The following CRYBG3 variants were observed in gnomAD, a reference collection of about 807,000 sequenced individuals.
CRYBG3 encodes very large A-kinase anchor protein.
CRYBG3 carries 127 observed loss-of-function variants against 244.2 expected under a neutral mutation model. That is an observed-to-expected ratio of 0.52 (90% CI 0.45 to 0.60). The LOEUF (loss-of-function observed/expected upper bound fraction) is 0.60. Among genes scored for constraint, CRYBG3 ranks in the 20% least tolerant of loss-of-function variants. The pLI is 0.00. For synonymous variants in CRYBG3, 1,132 were observed against 1,195.8 expected, an observed-to-expected ratio of 0.95 and a Z score of 1.10; for missense variants, 3,325 against 3,442.5, an observed-to-expected ratio of 0.97 and a Z score of 0.85.
chr3:97,879,827 C>G (rs2039424365), intron 5 of CRYBG3, 79 bp downstream of exon 5: 1 of 1,052,800 alleles, frequency 9.5e-7, no homozygotes. Context: ...ATATAAGTGA[C>G]TTAGATAATG....
At chr3:97,891,793 A>C (rs2039579149) in intron 10 of CRYBG3, among the ~76,000 whole-genome samples, 1 of 152,176 alleles carries the variant, frequency 6.6e-6, no homozygotes, top group Non-Finnish European at 1.5e-5. Flanking sequence ...TTGTTTGAGG[A>C]GAGAAATGAA....
intron 17 of CRYBG3, among the ~76,000 whole-genome samples, chr3:97,928,754 C>T (rs1221680761): frequency 6.6e-6 from 1 of 151,874 alleles, no homozygotes; most frequent in Non-Finnish European, 1.5e-5. Context: ...TTATGCACAG[C>T]TACACAAATT....
rs1209927674 is a variant in CRYBG3 at position 97,872,784 on chromosome 3, A to G, written c.1590A>G (p.Glu530=). 16 of 1,535,846 alleles carry G rather than the reference A, an allele frequency of 1.0e-5. No homozygotes were observed. In the East Asian group the frequency reaches 3.9e-4, roughly 38 times the overall value. The change falls in exon 4 of 22, where the codon GAA becomes GAG. Residue 530 remains glutamate (E), a synonymous_variant. Transcript: ENST00000389622. ...TGGCTGTTAGAGAAATCAGGCGAGA[A>G]ACAGAAAGTGCCTCAGCTGGTGAAT... is the stretch of plus-strand genomic sequence containing the variant. ...KNVAVREIRR[E]TESASAGESI...
rs780056239 is a variant in CRYBG3, at chr3:97,877,750, G to A, written c.6556G>A (p.Asp2186Asn). 99 of 1,613,948 alleles carry A rather than the reference G, an allele frequency of 6.1e-5. No individual in the cohort carries two copies. Among genetic ancestry groups the A allele is most frequent in the Non-Finnish European group, 8.1e-5 (96 of 1,180,018 alleles). The change falls in exon 4 of 22, where the codon GAC (aspartate) becomes AAC (asparagine). Residue 2186 changes from aspartate to asparagine, a missense_variant. Asp to Asn is a conservative substitution (Grantham distance 23). Transcript: ENST00000389622. ...PDPSITFYPDDQESVGISKNS... is the reference protein window; with the variant it reads ...PDPSITFYPDNQESVGISKNS... Reference sequence around the variant, plus strand: ...TCCTTCCATCACATTTTACCCTGATGACCAGGAGAGCGTTGGAATTTCTAA... The same window carrying A: ...TCCTTCCATCACATTTTACCCTGATAACCAGGAGAGCGTTGGAATTTCTAA...
intron 11 of CRYBG3, among the ~76,000 whole-genome samples, 194 bp downstream of exon 11, chr3:97,893,187 A>G (rs1352286307): frequency 6.6e-6 from 1 of 152,212 alleles, no homozygotes; most frequent in African/African-American, 2.4e-5. Context: ...TTTGAGATAT[A>G]TTAAATGTAG....
At chr3:97,907,284 T>C (rs889463829) in intron 15 of CRYBG3, among the ~76,000 whole-genome samples, 30 of 152,244 alleles carry the variant, frequency 2.0e-4, no homozygotes, top group Non-Finnish European at 3.7e-4. Flanking sequence ...GAGGATTCCC[T>C]CTTTTTCTAT....
intron 17 of CRYBG3, among the ~76,000 whole-genome samples, chr3:97,927,553 A>G (rs755479682): frequency 6.6e-6 from 1 of 152,006 alleles, no homozygotes; most frequent in Non-Finnish European, 1.5e-5. Flanking sequence ...TACAACAAAA[A>G]CAAAAATTGA....
In CRYBG3 at chr3:97,822,176, G is replaced by A; in HGVS notation, c.-31G>A. 6.7e-7 allele frequency: 1 copy of A among 1,494,456 alleles called. No individual in the cohort carries two copies. Among genetic ancestry groups the A allele is most frequent in the Non-Finnish European group, 8.9e-7 (1 of 1,126,676 alleles). The allele number at this position is 1,494,456 out of a possible 1,614,324, so 92.6% of individuals were successfully genotyped here. On this transcript the variant is annotated 5_prime_UTR_variant, in exon 1 of 22. Coordinates refer to ENST00000389622, the MANE Select transcript of CRYBG3 (RefSeq NM_153605.4). ...GGCAACACCTAGGCCGTTCCCTTCA[G>A]ACAGCCCCGGGCCAGCGGCCCCCTC...
chr3:97,841,350 ATG>A (rs1026699127), intron 1 of CRYBG3, among the ~76,000 whole-genome samples: 3 of 151,286 alleles, frequency 2.0e-5, no homozygotes, highest in Non-Finnish European at 4.4e-5. Context: ...GCATATATAT[ATG>A]TATATTCTTT....
At chr3:97,904,634 C>G (rs1037251172) in intron 15 of CRYBG3, among the ~76,000 whole-genome samples, 2 of 151,510 alleles carry the variant, frequency 1.3e-5, no homozygotes, top group African/African-American at 4.9e-5. Flanking sequence ...ACAAGACAAC[C>G]TGTCTCTCTT....
At chr3:97,899,680 A>G (rs2039682505) in intron 14 of CRYBG3, among the ~76,000 whole-genome samples, 1 of 152,198 alleles carries the variant, frequency 6.6e-6, no homozygotes, top group Non-Finnish European at 1.5e-5. Context: ...TGCCTGGGGA[A>G]TTGAAGACCT....
At chr3:97,848,300 T>A (rs1228080711) in intron 2 of CRYBG3, among the ~76,000 whole-genome samples, 1 of 152,058 alleles carries the variant, frequency 6.6e-6, no homozygotes, top group Non-Finnish European at 1.5e-5. Context: ...CTTTGTTTGT[T>A]TGTTGTTGTT....
At chr3:97,879,041 A>C (rs1298559144) in intron 4 of CRYBG3, among the ~76,000 whole-genome samples, 1 of 152,188 alleles carries the variant, frequency 6.6e-6, no homozygotes, top group Non-Finnish European at 1.5e-5. Flanking sequence ...GACCAACCAA[A>C]ACCTTGCAAA....
chr3:97,846,172 CT>C (rs1206882660), intron 2 of CRYBG3, among the ~76,000 whole-genome samples: 1 of 152,024 alleles, frequency 6.6e-6, no homozygotes, highest in Non-Finnish European at 1.5e-5. Context: ...AGTTGAAACA[CT>C]TTTTTTTCAA....
rs2039317435 is a variant in CRYBG3 at position 97,872,522 on chromosome 3, A to G, written c.1328A>G (p.Asp443Gly). 1 of 1,535,992 alleles carries G rather than the reference A, an allele frequency of 6.5e-7. No individual in the cohort carries two copies. Among genetic ancestry groups the G allele is most frequent in the South Asian group, 1.2e-5 (1 of 84,048 alleles). Reference sequence around the variant, plus strand: ...TCTGATTTCTCTTGTAGTAAATCTGATGGGAGTGACACTACTGAGCAGGAA... The same window carrying G: ...TCTGATTTCTCTTGTAGTAAATCTGGTGGGAGTGACACTACTGAGCAGGAA... ...AISDFSCSKS[D>G]GSDTTEQEST... The change falls in exon 4 of 22, where the codon GAT becomes GGT. Residue 443 changes from aspartate to glycine, a missense_variant. Coordinates refer to ENST00000389622, the MANE Select transcript of CRYBG3 (RefSeq NM_153605.4).
At chr3:97,915,491 G>T in intron 16 of CRYBG3, 119 bp from the exon 17 acceptor site, 1 of 949,684 alleles carries the variant, frequency 1.1e-6, no homozygotes, top group Non-Finnish European at 1.5e-6. Context: ...AAGCTGGTGT[G>T]GTGGTGCTCT....
chr3:97,871,940 C>A lies in CRYBG3; in HGVS notation c.746C>A (p.Ala249Glu). The change falls in exon 4 of 22, where the codon GCA (alanine) becomes GAA (glutamate). Residue 249 changes from alanine to glutamate, a missense_variant. By Grantham distance (107) the Ala-to-Glu change is moderately radical. This residue lies in a region of CRYBG3 where 1,526 missense variants were observed against 1,443.2 expected (regional missense o/e 1.06). Coordinates refer to ENST00000389622, the MANE Select transcript of CRYBG3 (RefSeq NM_153605.4). ...TATTTAAAGCAACAGACAGGCTTGG[C>A]AACTGTGAATACCTTGGACAGAGAA... ...GKYLKQQTGLATVNTLDRENE... is the reference protein window; with the variant it reads ...GKYLKQQTGLETVNTLDRENE... 1 of 1,535,666 alleles carries A rather than the reference C, an allele frequency of 6.5e-7. No individual in the cohort carries two copies. Among genetic ancestry groups the A allele is most frequent in the African/African-American group, 1.4e-5 (1 of 73,126 alleles).
At chr3:97,879,344 T>A (rs1231066668) in intron 4 of CRYBG3, among the ~76,000 whole-genome samples, 1 of 152,308 alleles carries the variant, frequency 6.6e-6, no homozygotes, top group African/African-American at 2.4e-5. Context: ...TACTACTTCC[T>A]CAGAAATGCC....
At position 97,915,661 on chromosome 3, in the gene CRYBG3, A is replaced by G. The variant is rs766872404; in HGVS notation, c.8166A>G (p.Glu2722=). Residue 2722 remains glutamate, a synonymous_variant, in exon 17 of 22, where the codon GAA becomes GAG. Transcript: ENST00000389622. ...EDMFVNHCVL[E]EGLYADLTSC... ...TGTTTGTTAATCACTGTGTGTTAGA[A>G]GAAGGCCTCTATGCTGACCTTACTT... is the stretch of plus-strand genomic sequence containing the variant. The G allele has an allele frequency of 3.7e-6, 6 of 1,613,136 alleles. No individual in the cohort carries two copies. The highest frequency in any genetic ancestry group is 1.7e-5 in the Admixed American group (1 of 59,966).
Sources: allele counts gnomAD v4.1 joint callset (sites outside exome capture counted in the v4.1 genomes callset), GRCh38; gene constraint gnomAD v4.1.1; regional missense constraint gnomAD v4.1.1; transcripts MANE v1.5; gene names NCBI Gene and HGNC (gene_info 2026-07-23, HGNC 2026-07-21).